WAC: variants seen among roughly 807,000 people sequenced by gnomAD.
The protein encoded by WAC is WW domain containing adaptor with coiled-coil.
WAC carries 11 observed loss-of-function variants against 79.6 expected under a neutral mutation model. That is an observed-to-expected ratio of 0.14 (90% CI 0.09 to 0.23). The LOEUF (loss-of-function observed/expected upper bound fraction) is 0.23. WAC is among the 10% of genes least tolerant of loss of function. The probability of loss-of-function intolerance (pLI) is 1.00; values close to 1 mark genes in which losing one functional copy is unlikely to be tolerated. For synonymous variants in WAC, 304 were observed against 276.9 expected, an observed-to-expected ratio of 1.10 and a Z score of -0.97; for missense variants, 728 against 773.5, an observed-to-expected ratio of 0.94 and a Z score of 0.70.
At chr10:28,612,028 G>C in intron 10 of WAC, 106 bp downstream of exon 10, 1 of 1,351,842 alleles carries the variant, frequency 7.4e-7, no homozygotes, top group Non-Finnish European at 1.0e-6. Context: ...ATGAGGTGTA[G>C]TGGTGGAATG....
At chr10:28,538,951 C>G (rs573014037) in intron 3 of WAC, among the ~76,000 whole-genome samples, 1 of 151,616 alleles carries the variant, frequency 6.6e-6, no homozygotes, top group Non-Finnish European at 1.5e-5. Flanking sequence ...GTTGGATTAT[C>G]TAAGCTCTAA....
chr10:28,617,328 C>T (rs1451354046), intron 12 of WAC, among the ~76,000 whole-genome samples: 5 of 152,188 alleles, frequency 3.3e-5, no homozygotes, highest in Non-Finnish European at 1.5e-5. Flanking sequence ...AATACCTGAA[C>T]TTGCAGAAAT....
chr10:28,554,023 C>T (rs1400028993), intron 3 of WAC, among the ~76,000 whole-genome samples: 2 of 152,056 alleles, frequency 1.3e-5, no homozygotes, highest in Non-Finnish European at 2.9e-5. Context: ...CATACCACCA[C>T]GCCTGGCTAA....
In WAC at chr10:28,619,526, T is replaced by G; in HGVS notation, c.1875-11T>G. On this transcript the variant is annotated splice_polypyrimidine_tract_variant and intron_variant, in intron 13 of 13. Coordinates refer to ENST00000354911, the MANE Select transcript of WAC (RefSeq NM_016628.5). Reference sequence around the variant, plus strand: ...TGTACACAGGTTCTAATGTCTGCTTTTTTTTTTCAGGATACTATTTTTGAG... The same window carrying G: ...TGTACACAGGTTCTAATGTCTGCTTGTTTTTTTCAGGATACTATTTTTGAG... 1.3e-6 allele frequency: 2 copies of G among 1,569,634 alleles called. No homozygotes were observed. Among genetic ancestry groups the G allele is most frequent in the Non-Finnish European group, 1.7e-6 (2 of 1,166,082 alleles).
At chr10:28,595,703 A>C in intron 6 of WAC, 30 bp from the exon 7 acceptor site, 5 of 1,596,600 alleles carry the variant, frequency 3.1e-6, no homozygotes, top group Non-Finnish European at 4.3e-6. Flanking sequence ...TGTCATTCCA[A>C]CATCTGTTTT....
chr10:28,575,068 GTA>G (rs1839174005), intron 3 of WAC, among the ~76,000 whole-genome samples: 1 of 152,084 alleles, frequency 6.6e-6, no homozygotes, highest in Non-Finnish European at 1.5e-5. Context: ...TTAGTATTTT[GTA>G]TATATCTTCA....
At chr10:28,588,590 G>T (rs1306783448) in intron 4 of WAC, 1 of 152,088 alleles carries the variant, frequency 6.6e-6, no homozygotes, top group Non-Finnish European at 1.5e-5. Context: ...ATTAAAGCTG[G>T]GCCAAGGGTA....
chr10:28,616,389 C>T (rs1841468499), intron 12 of WAC, 27 bp downstream of exon 12: 1 of 1,474,816 alleles, frequency 6.8e-7, no homozygotes, highest in East Asian at 2.4e-5. Flanking sequence ...CTAGATTTTA[C>T]CTTTGGATGA....
At chr10:28,555,703 C>G (rs570725872) in intron 3 of WAC, among the ~76,000 whole-genome samples, 7 of 152,122 alleles carry the variant, frequency 4.6e-5, no homozygotes, top group African/African-American at 1.2e-4. Flanking sequence ...ATATATTGAT[C>G]GTATTTGGAG....
intron 3 of WAC, among the ~76,000 whole-genome samples, chr10:28,567,938 A>G (rs1048825954): frequency 1.3e-5 from 2 of 152,020 alleles, no homozygotes; most frequent in African/African-American, 2.4e-5. Context: ...GGGTCTCGCT[A>G]TGTTGCCCAA....
chr10:28,538,303 G>A, intron 3 of WAC: 1 of 333,600 alleles, frequency 3.0e-6, no homozygotes, highest in Non-Finnish European at 6.4e-6. Context: ...ATGAATTCAG[G>A]CCGGGTCAGT....
At chr10:28,566,178 A>G (rs1838593206) in intron 3 of WAC, among the ~76,000 whole-genome samples, 1 of 152,002 alleles carries the variant, frequency 6.6e-6, no homozygotes, top group African/African-American at 2.4e-5. Flanking sequence ...TTTCTGTCTT[A>G]CTCTTTTGGT....
At chr10:28,535,432 A>C (rs920946002) in intron 2 of WAC, 130 bp from the exon 3 acceptor site, 1 of 1,185,270 alleles carries the variant, frequency 8.4e-7, no homozygotes, top group Non-Finnish European at 1.2e-6. Context: ...GTAAAGCAGA[A>C]TTGAAAGTGG....
rs77769382 is a variant in WAC, at chr10:28,621,268, C to A, written c.*1662C>A. 4.3e-5 allele frequency: 6 copies of A among 138,878 alleles called. No individual in the cohort carries two copies. The Admixed American group carries it at 4.6e-4, about 11-fold the overall frequency. The allele number at this position is 138,878 out of a possible 1,614,324, so 8.6% of individuals were successfully genotyped here. On this transcript the variant is annotated 3_prime_UTR_variant, in exon 14 of 14. Transcript: ENST00000354911. ...GGCAGATAAGTGCTTCCAAAACTGG[C>A]AGCACCAAGGGCTTATTTTTTATGT... is the stretch of plus-strand genomic sequence containing the variant.
intron 7 of WAC, among the ~76,000 whole-genome samples, chr10:28,606,088 A>G (rs1006882956): frequency 1.1e-4 from 17 of 150,114 alleles, no homozygotes; most frequent in African/African-American, 3.7e-4. Context: ...CCTCACTCCC[A>G]TTGCCTAGGC....
At position 28,589,731 on chromosome 10, in the gene WAC, T is replaced by G; in HGVS notation, c.382-5T>G. 1 of 1,563,280 alleles carries G rather than the reference T, an allele frequency of 6.4e-7. No homozygotes were observed. Among genetic ancestry groups the G allele is most frequent in the Non-Finnish European group, 8.7e-7 (1 of 1,143,760 alleles). The stretch of plus-strand genomic sequence containing the variant: ...TTTTCTAATTGTAAAAAATATATTT[T>G]TAAGCCTTATGATTCTGCAGATGAC... On this transcript the variant is annotated splice_polypyrimidine_tract_variant and splice_region_variant and intron_variant, in intron 4 of 13. Coordinates refer to ENST00000354911, the MANE Select transcript of WAC (RefSeq NM_016628.5).
intron 3 of WAC, among the ~76,000 whole-genome samples, chr10:28,572,981 A>G (rs949929188): frequency 1.3e-5 from 2 of 152,174 alleles, no homozygotes; most frequent in Non-Finnish European, 2.9e-5. Context: ...TTGACAAGTG[A>G]CCACAGGTGG....
At chr10:28,611,255 A>T (rs1347219572) in intron 9 of WAC, 1 of 1,292,468 alleles carries the variant, frequency 7.7e-7, no homozygotes, top group Non-Finnish European at 1.0e-6. Context: ...CTTGAATTAG[A>T]TATCCCTCTT....
intron 3 of WAC, among the ~76,000 whole-genome samples, chr10:28,551,587 T>G (rs1461824345): frequency 6.6e-6 from 1 of 152,184 alleles, no homozygotes; most frequent in Admixed American, 6.5e-5. Context: ...TGAAACAATA[T>G]AAACCAGCTT....
Sources: gnomAD v4.1 joint callset for allele counts (sites outside exome capture counted in the v4.1 genomes callset) on GRCh38, gnomAD v4.1.1 for gene constraint, MANE v1.5 for transcripts, NCBI Gene and HGNC (gene_info 2026-07-23, HGNC 2026-07-21) for gene names.